PLCXD1: variants seen among roughly 807,000 people sequenced by gnomAD.
The protein encoded by PLCXD1 is phosphatidylinositol specific phospholipase C X domain containing 1.
A neutral mutation model predicts 37.8 loss-of-function variants in PLCXD1; 45 were observed. The observed-to-expected ratio is 1.19, with a 90% CI of 0.94 to 1.53. The LOEUF is 1.53. Ranked by LOEUF, PLCXD1 falls within the 40% of genes most tolerant of loss-of-function variation. PLCXD1 has a pLI of 0.00. For synonymous variants in PLCXD1, 246 were observed against 206.9 expected, an observed-to-expected ratio of 1.19 and a Z score of -1.62; for missense variants, 539 against 454.7, an observed-to-expected ratio of 1.19 and a Z score of -1.69.
intron 2 of PLCXD1, among the ~76,000 whole-genome samples, chrX:285,207 C>G (rs1282384218): frequency 1.3e-5 from 2 of 152,074 alleles, no homozygotes; most frequent in Non-Finnish European, 2.9e-5. Context: ...CACAGGTGTA[C>G]ACACATGCAG....
intron 2 of PLCXD1, 126 bp from the exon 3 acceptor site, chrX:288,607 C>T (rs1306877723): frequency 2.9e-5 from 30 of 1,030,928 alleles, no homozygotes; most frequent in Non-Finnish European, 3.9e-5. Context: ...GCACCCCTCC[C>T]GCCATACCTG....
chrX:285,664 GAC>G lies in PLCXD1; in HGVS notation c.127+1355_127+1356del, dbSNP rs777817540. 4.3e-3 allele frequency among the ~76,000 whole-genome samples: 658 copies of G among 151,948 alleles called. 5 individuals carry two copies. Among genetic ancestry groups the G allele is most frequent in the Middle Eastern group, 0.017 (5 of 294 alleles). The stretch of plus-strand genomic sequence containing the variant: ...GCGTGTACACACATGCACACACGTA[GAC>G]ACACGTCCATGCACACAGGAACACA... On this transcript the variant is annotated intron_variant, in intron 2 of 6. Transcript: ENST00000381657.
chrX:276,615 G>A (rs943779414), upstream of PLCXD1, among the ~76,000 whole-genome samples: 2 of 152,162 alleles, frequency 1.3e-5, no homozygotes, highest in Non-Finnish European at 2.9e-5. Context: ...CAGGCGGCCT[G>A]CACCCCTTGC....
At chrX:298,819 CT>C (rs1392831037) in intron 6 of PLCXD1, among the ~76,000 whole-genome samples, 2 of 140,476 alleles carry the variant, frequency 1.4e-5, no homozygotes, top group East Asian at 4.4e-4. Context: ...ACGTGGACAT[CT>C]TTGGGGCCAT....
intron 5 of PLCXD1, 118 bp from the exon 6 acceptor site, chrX:292,917 T>G: frequency 3.1e-6 from 2 of 652,388 alleles, no homozygotes; most frequent in Non-Finnish European, 5.2e-6. Context: ...CCGGCCAGAA[T>G]TTCATTTTTG....
chrX:289,516 C>T (rs867372485), intron 3 of PLCXD1, among the ~76,000 whole-genome samples: 17,012 of 134,848 alleles, frequency 0.13, 1,284 homozygotes, highest in South Asian at 0.17. Flanking sequence ...CTTTCTTTTT[C>T]TTTTTTTTTT....
chrX:284,431 G>C, intron 2 of PLCXD1, 117 bp downstream of exon 2: 7 of 1,166,046 alleles, frequency 6.0e-6, no homozygotes, highest in Non-Finnish European at 8.7e-6. Context: ...GCAATCCTGG[G>C]TGTAGGGAAA....
At chrX:294,327 A>T (rs1450778935) in intron 6 of PLCXD1, among the ~76,000 whole-genome samples, 1 of 151,884 alleles carries the variant, frequency 6.6e-6, no homozygotes, top group Non-Finnish European at 1.5e-5. Flanking sequence ...CTAAAAATAC[A>T]AAAAATTAGC....
intron 2 of PLCXD1, among the ~76,000 whole-genome samples, chrX:286,285 G>A (rs1303213052): frequency 3.3e-5 from 5 of 151,970 alleles, no homozygotes; most frequent in African/African-American, 1.2e-4. Flanking sequence ...AGCTGGTCTC[G>A]AACTCCCGAC....
In PLCXD1 at chrX:299,136, T is replaced by C. The variant is rs2069911527; in HGVS notation, c.773T>C (p.Leu258Pro). 6.2e-7 allele frequency: 1 copy of C among 1,613,794 alleles called. No individual in the cohort carries two copies. The highest frequency in any genetic ancestry group is 1.1e-5 in the South Asian group (1 of 91,076). ...GCCGGCATCAACCTCACGGAGAACC[T>C]GCAGTACGTTCTGGCGCACCCGTCC... Reference protein sequence around the residue: ...FVAGINLTENLQYVLAHPSES... With the variant: ...FVAGINLTENPQYVLAHPSES... The change falls in exon 7 of 7, where the codon CTG (leucine) becomes CCG (proline). Residue 258 changes from leucine to proline, a missense_variant. Transcript: ENST00000381657.
At chrX:291,256 C>A (rs1283611563) in intron 4 of PLCXD1, among the ~76,000 whole-genome samples, 10 of 151,944 alleles carry the variant, frequency 6.6e-5, no homozygotes, top group Non-Finnish European at 1.5e-4. Flanking sequence ...GGCAATTCTC[C>A]TGCCTCAGCC....
At chrX:291,298 A>G (rs2069626135) in intron 4 of PLCXD1, among the ~76,000 whole-genome samples, 1 of 152,040 alleles carries the variant, frequency 6.6e-6, no homozygotes, top group Non-Finnish European at 1.5e-5. Context: ...GACGCCGGAC[A>G]CCACGCCCAG....
intron 2 of PLCXD1, 77 bp from the exon 3 acceptor site, chrX:288,656 C>T (rs1163435658): frequency 1.7e-5 from 25 of 1,486,690 alleles, no homozygotes; most frequent in African/African-American, 1.4e-4. Context: ...GTGCTGTAGG[C>T]GGGCTGTGGA....
At chrX:293,359 T>C (rs751020853) in intron 6 of PLCXD1, 141 bp downstream of exon 6, 5 of 676,690 alleles carry the variant, frequency 7.4e-6, no homozygotes, top group African/African-American at 5.4e-5. Flanking sequence ...TGGTAATCCC[T>C]GTACCTGTAA....
chrX:292,395 G>C (rs1401491763), intron 5 of PLCXD1, among the ~76,000 whole-genome samples: 9 of 151,958 alleles, frequency 5.9e-5, no homozygotes, highest in East Asian at 3.9e-4. Context: ...GGGGGTGGAG[G>C]TTGCAGTGAG....
At chrX:299,056 G>A in intron 6 of PLCXD1, 41 bp from the exon 7 acceptor site, 1 of 1,449,116 alleles carries the variant, frequency 6.9e-7, no homozygotes, top group Non-Finnish European at 9.7e-7. Flanking sequence ...GGCGGGTGAG[G>A]CCCGTGACCG....
chrX:291,510 G>A lies in PLCXD1; in HGVS notation c.405G>A (p.Thr135=), dbSNP rs760121395. 1.2e-5 allele frequency: 20 copies of A among 1,612,528 alleles called. No homozygotes were observed. The highest frequency in any genetic ancestry group is 1.0e-4 in the Admixed American group (6 of 59,978). Residue 135 remains threonine, a synonymous_variant, in exon 5 of 7, where the codon ACG becomes ACA. Transcript: ENST00000381657. ...YTTALVEDTL[T]EISEWLERHP... ...ACCCCCCTCCCCAGGACACACTCAC[G>A]GAAATCTCGGAGTGGCTGGAGCGGC...
intron 3 of PLCXD1, among the ~76,000 whole-genome samples, chrX:290,223 C>T (rs1363720729): frequency 7.2e-5 from 11 of 152,120 alleles, no homozygotes; most frequent in East Asian, 5.9e-4. Context: ...GTCAGGAGAT[C>T]GAGACCGTCC....
At chrX:296,496 G>A (rs1055451468) in intron 6 of PLCXD1, among the ~76,000 whole-genome samples, 2 of 152,178 alleles carry the variant, frequency 1.3e-5, no homozygotes, top group African/African-American at 2.4e-5. Context: ...TCTGGCTGTG[G>A]AATCAGTCCA....
Sources: allele counts gnomAD v4.1 joint callset (sites outside exome capture counted in the v4.1 genomes callset), GRCh38; gene constraint gnomAD v4.1.1; transcripts MANE v1.5; gene names NCBI Gene and HGNC (gene_info 2026-07-23, HGNC 2026-07-21).